Variants in PDGFD observed in about 807,000 individuals in gnomAD.
PDGFD encodes platelet derived growth factor D.
In PDGFD, 30 loss-of-function variants were observed where a neutral mutation model predicts 44.7. The ratio of observed to expected loss-of-function variants is 0.67; its 90% CI spans 0.50 to 0.91. The LOEUF (loss-of-function observed/expected upper bound fraction) is 0.91, where lower values mean the gene tolerates loss of function less well. Ranked by LOEUF, PDGFD falls within the 40% of genes least tolerant of loss-of-function variation. The pLI, the probability that PDGFD is intolerant of heterozygous loss-of-function variation, is 0.00. For synonymous variants in PDGFD, 173 were observed against 168.4 expected (o/e 1.03, Z -0.21); for missense variants, 445 against 457.8 (o/e 0.97, Z 0.25).
chr11:103,989,051 T>C (rs1470419523), intron 3 of PDGFD, among the ~76,000 whole-genome samples: 2 of 152,094 alleles, frequency 1.3e-5, no homozygotes, highest in African/African-American at 2.4e-5. Flanking sequence ...ATATTTAACA[T>C]ATTATTATCA....
intron 1 of PDGFD, among the ~76,000 whole-genome samples, chr11:104,125,479 G>T (rs955761308): frequency 1.3e-5 from 2 of 151,882 alleles, no homozygotes; most frequent in Admixed American, 1.3e-4. Context: ...CTACCTTAAC[G>T]AAAATGCTTG....
chr11:104,116,842 G>C (rs1232594909), intron 1 of PDGFD, among the ~76,000 whole-genome samples: 1 of 151,870 alleles, frequency 6.6e-6, no homozygotes, highest in African/African-American at 2.4e-5. Context: ...GGTTTATCAG[G>C]GGTTTCTGCT....
At chr11:104,099,662 A>C (rs1861341491) in intron 1 of PDGFD, among the ~76,000 whole-genome samples, 1 of 148,688 alleles carries the variant, frequency 6.7e-6, no homozygotes, top group Non-Finnish European at 1.5e-5. Context: ...AATAATAATA[A>C]TAATAATAAT....
intron 5 of PDGFD, among the ~76,000 whole-genome samples, chr11:103,938,948 G>A (rs984096706): frequency 1.3e-5 from 2 of 152,140 alleles, no homozygotes; most frequent in Admixed American, 1.3e-4. Flanking sequence ...TGTTGTTTTG[G>A]TTACTGTAGC....
At chr11:104,153,924 T>C (rs577030721) in intron 1 of PDGFD, among the ~76,000 whole-genome samples, 12 of 152,084 alleles carry the variant, frequency 7.9e-5, no homozygotes, top group South Asian at 6.2e-4. Context: ...GTCTGAACCC[T>C]AGAAAATGTG....
Position 104,163,758 on chromosome 11 carries a change from C to A in PDGFD, c.124+46G>T, listed in dbSNP as rs1172642321. On this transcript the variant is annotated intron_variant, in intron 1 of 6. Transcript: ENST00000393158. Reference sequence around the variant, plus strand: ...AACATAGAAAGAACAATAACAATAGCAAACATGATTTTTTTTTCAGTTAAA... The same window carrying A: ...AACATAGAAAGAACAATAACAATAGAAAACATGATTTTTTTTTCAGTTAAA... 28 of 1,495,774 alleles carry A rather than the reference C, an allele frequency of 1.9e-5. No homozygotes were observed. The Admixed American group carries it at 4.3e-4, about 23-fold the overall frequency. The allele number at this position is 1,495,774 out of a possible 1,614,324, so 92.7% of individuals were successfully genotyped here. A position where few individuals can be genotyped will look rare whatever the true frequency, so the allele number is the denominator to read the frequency against.
intron 1 of PDGFD, among the ~76,000 whole-genome samples, chr11:104,071,384 T>C (rs1860874656): frequency 6.6e-6 from 1 of 151,244 alleles, no homozygotes; most frequent in African/African-American, 2.4e-5. Context: ...TGTGTGTGCA[T>C]GTGTGTATAT....
intron 6 of PDGFD, among the ~76,000 whole-genome samples, chr11:103,913,414 C>G (rs539990482): frequency 1.3e-5 from 2 of 152,038 alleles, no homozygotes; most frequent in Admixed American, 1.3e-4. Flanking sequence ...GGGTAAATAA[C>G]AAAATGAAGG....
intron 1 of PDGFD, among the ~76,000 whole-genome samples, chr11:104,035,076 A>C (rs1183113726): frequency 1.3e-5 from 2 of 152,108 alleles, no homozygotes; most frequent in Non-Finnish European, 2.9e-5. Context: ...GGGGGAGAGT[A>C]GGGAGAAGGT....
chr11:103,961,206 A>C (rs1259660707), intron 3 of PDGFD, among the ~76,000 whole-genome samples: 2 of 152,204 alleles, frequency 1.3e-5, no homozygotes, highest in Admixed American at 1.3e-4. Context: ...TGGAAGAATG[A>C]CTAGTCATTG....
At chr11:104,107,944 G>A (rs554572845) in intron 1 of PDGFD, among the ~76,000 whole-genome samples, 3 of 152,094 alleles carry the variant, frequency 2.0e-5, no homozygotes, top group African/African-American at 4.8e-5. Context: ...AAACATGTCC[G>A]TATCATCAGC....
chr11:104,140,400 A>G (rs1862068330), intron 1 of PDGFD, among the ~76,000 whole-genome samples: 1 of 152,062 alleles, frequency 6.6e-6, no homozygotes, highest in Admixed American at 6.5e-5. Context: ...GCTCACATGC[A>G]ATTACTTAGT....
intron 1 of PDGFD, among the ~76,000 whole-genome samples, chr11:104,068,133 A>G (rs1860819241): frequency 6.6e-6 from 1 of 152,166 alleles, no homozygotes; most frequent in Non-Finnish European, 1.5e-5. Context: ...TTCAGTAATA[A>G]TAATGGCAAC....
At chr11:103,971,549 GA>G (rs1859102042) in intron 3 of PDGFD, among the ~76,000 whole-genome samples, 1 of 151,808 alleles carries the variant, frequency 6.6e-6, no homozygotes, top group Non-Finnish European at 1.5e-5. Flanking sequence ...TGTATACAGA[GA>G]AGAACTATCT....
intron 3 of PDGFD, among the ~76,000 whole-genome samples, chr11:103,971,375 A>G (rs536551225): frequency 4.6e-5 from 7 of 152,184 alleles, no homozygotes; most frequent in Non-Finnish European, 1.0e-4. Flanking sequence ...AAACTTTCAT[A>G]TTTATTGCTA....
intron 1 of PDGFD, among the ~76,000 whole-genome samples, chr11:104,097,279 C>G (rs930884025): frequency 6.6e-6 from 1 of 152,122 alleles, no homozygotes; most frequent in African/African-American, 2.4e-5. Flanking sequence ...GTTCATATAT[C>G]GATAGATTTT....
At chr11:103,944,575 C>T (rs938378503) in intron 4 of PDGFD, among the ~76,000 whole-genome samples, 13 of 152,138 alleles carry the variant, frequency 8.5e-5, no homozygotes, top group African/African-American at 2.9e-4. Flanking sequence ...TCCCCAAAGG[C>T]AAATATCTCC....
chr11:104,064,927 G>A (rs1043798525), intron 1 of PDGFD, among the ~76,000 whole-genome samples: 6 of 152,206 alleles, frequency 3.9e-5, no homozygotes, highest in Non-Finnish European at 2.9e-5. Context: ...CATTGTTCCT[G>A]GGTGTATCTG....
rs1441628685 is a variant in PDGFD at position 104,049,507 on chromosome 11, G to A, written c.125-49252C>T. On this transcript the variant is annotated intron_variant, in intron 1 of 6. Coordinates refer to ENST00000393158, the MANE Select transcript of PDGFD (RefSeq NM_025208.5). The stretch of plus-strand genomic sequence containing the variant: ...TGTTATGGCTTTTAGGGGTTTTTAA[G>A]CAAAGGAAAGACATTTGATTTTTTT... Among the ~76,000 whole-genome samples, 12 of 152,184 alleles carry A rather than the reference G, an allele frequency of 7.9e-5. No individual in the cohort carries two copies. In the South Asian group the frequency reaches 1.5e-3, roughly 18 times the overall value.
Sources: gnomAD v4.1 joint callset for allele counts (sites outside exome capture counted in the v4.1 genomes callset) on GRCh38, gnomAD v4.1.1 for gene constraint, MANE v1.5 for transcripts, NCBI Gene and HGNC (gene_info 2026-07-23, HGNC 2026-07-21) for gene names.